The following SLIT3 variants were observed in gnomAD, a reference collection of about 807,000 sequenced individuals.
SLIT3 encodes the protein slit homolog 3 protein.
SLIT3 carries 68 observed loss-of-function variants against 184.0 expected under a neutral mutation model. That is an observed-to-expected ratio of 0.37 (90% CI 0.30 to 0.45). The LOEUF (loss-of-function observed/expected upper bound fraction) is 0.45, where lower values mean the gene tolerates loss of function less well. SLIT3 is among the 20% of genes least tolerant of loss of function. The pLI, the probability that SLIT3 is intolerant of heterozygous loss-of-function variation, is 1.00. For synonymous variants in SLIT3, 831 were observed against 828.6 expected (o/e 1.00, Z -0.05); for missense variants, 1,707 against 2,026.0 (o/e 0.84, Z 3.02).
At chr5:169,103,384 T>C (rs918344968) in intron 4 of SLIT3, among the ~76,000 whole-genome samples, 2 of 152,148 alleles carry the variant, frequency 1.3e-5, no homozygotes, top group East Asian at 3.9e-4. Context: ...TGAGAAAGGG[T>C]TTGAAAAGCC....
rs181040228 is a variant in SLIT3 at position 168,922,376 on chromosome 5, T to G, written c.414-39040A>C. Among the ~76,000 whole-genome samples the G allele has an allele frequency of 5.4e-3, 774 of 143,810 alleles. 6 individuals are homozygous for G. Among genetic ancestry groups the G allele is most frequent in the Non-Finnish European group, 8.5e-3 (572 of 67,060 alleles). 94.3% of individuals were successfully genotyped at this position (143,810 alleles called of 152,430 possible). A position where few individuals can be genotyped will look rare whatever the true frequency, so the allele number is the denominator to read the frequency against. ...GGAGGCTGAGGCAGGAGAATGGCGT[T>G]AACCCAGGAGGCGGAGCTTGCAGTG... On this transcript the variant is annotated intron_variant, in intron 4 of 35. Coordinates refer to ENST00000519560, the MANE Select transcript of SLIT3 (RefSeq NM_003062.4).
chr5:168,719,978 C>A (rs2915814), intron 23 of SLIT3: 124,698 of 152,074 alleles, frequency 0.82, 51,246 homozygotes, highest in East Asian at 0.87. Context: ...CAATGGCGTG[C>A]TCTCAGCTCA....
In SLIT3 at chr5:168,665,001, A is replaced by ATTAT. The variant is rs965026536; in HGVS notation, c.*1449_*1452dup. ...GAACAAGAGCAGGAAAAAACATCAT[A>ATTAT]TTATTTCCTTTTCCGGCAGGGCTGC... On this transcript the variant is annotated 3_prime_UTR_variant, in exon 36 of 36. Transcript: ENST00000519560. 5.9e-5 allele frequency: 9 copies of ATTAT among 152,102 alleles called. No individual in the cohort carries two copies. The highest frequency in any genetic ancestry group is 2.2e-4 in the African/African-American group (9 of 41,354). 9.4% of individuals were successfully genotyped at this position (152,102 alleles called of 1,614,324 possible). A position where few individuals can be genotyped will look rare whatever the true frequency, so the allele number is the denominator to read the frequency against.
At chr5:168,769,283 G>A (rs1755459686) in intron 14 of SLIT3, among the ~76,000 whole-genome samples, 1 of 152,136 alleles carries the variant, frequency 6.6e-6, no homozygotes, top group Admixed American at 6.5e-5. Flanking sequence ...CTGCTGACTT[G>A]GGACTTCCTC....
chr5:168,805,241 C>T (rs2113628956), intron 9 of SLIT3, among the ~76,000 whole-genome samples: 1 of 150,434 alleles, frequency 6.6e-6, no homozygotes, highest in African/African-American at 2.5e-5. Flanking sequence ...TGAATGAATA[C>T]AAGAATGAAT....
intron 20 of SLIT3, among the ~76,000 whole-genome samples, chr5:168,736,891 G>A (rs767750825): frequency 3.3e-5 from 5 of 152,320 alleles, no homozygotes; most frequent in Admixed American, 2.0e-4. Flanking sequence ...CAGTGTGATC[G>A]TCAAAAATTA....
chr5:169,141,127 A>C lies in SLIT3; in HGVS notation c.413+52352T>G, dbSNP rs137993998. Reference sequence around the variant, plus strand: ...GCTCGATGCTACCTGTTCCAAGAAGATTTCACTATTCCCTTTGCTTTGGGG... The same window carrying C: ...GCTCGATGCTACCTGTTCCAAGAAGCTTTCACTATTCCCTTTGCTTTGGGG... On this transcript the variant is annotated intron_variant, in intron 4 of 35. Coordinates refer to ENST00000519560, the MANE Select transcript of SLIT3 (RefSeq NM_003062.4). Among the ~76,000 whole-genome samples the C allele has an allele frequency of 9.4e-4, 143 of 152,270 alleles. 5 individuals are homozygous for C. Among genetic ancestry groups the C allele is most frequent in the African/African-American group, 3.3e-3 (139 of 41,542 alleles).
chr5:168,746,387 GGTGTGTGGTGT>G (rs1423469127), intron 20 of SLIT3, among the ~76,000 whole-genome samples: 33 of 46,600 alleles, frequency 7.1e-4, no homozygotes, highest in Admixed American at 9.5e-4. Context: ...TGGTGGTGTG[GGTGTGTGGTGT>G]CTGGTGGTGT....
chr5:168,842,459 C>G (rs929303124), intron 6 of SLIT3, among the ~76,000 whole-genome samples: 2 of 116,322 alleles, frequency 1.7e-5, no homozygotes, highest in Non-Finnish European at 3.3e-5. Flanking sequence ...CATCTGGATA[C>G]CGTTTTTTCG....
chr5:168,793,827 C>A (rs995669974), intron 10 of SLIT3, among the ~76,000 whole-genome samples: 1 of 151,616 alleles, frequency 6.6e-6, no homozygotes, highest in Non-Finnish European at 1.5e-5. Flanking sequence ...GGAGAGCGGG[C>A]TGGGGAAGCA....
rs78406692 is a variant in SLIT3 at position 169,287,290 on chromosome 5, G to T, written c.197+13223C>A. On this transcript the variant is annotated intron_variant, in intron 1 of 35. Transcript: ENST00000519560. ...TCTCTAGACTCGAAATAAGCTGCAG[G>T]CTTGGTGCTGAGAGCCCTCAGGATA... Among the ~76,000 whole-genome samples, 540 of 152,248 alleles carry T rather than the reference G, an allele frequency of 3.5e-3. 1 individual carries two copies. Among genetic ancestry groups the T allele is most frequent in the African/African-American group, 0.012 (502 of 41,540 alleles).
Position 168,730,112 on chromosome 5 carries a change from T to TA in SLIT3, c.2271-5629dup, listed in dbSNP as rs34425836. ...AAAAAAGACATATCACATAAAACAG[T>TA]AAAAAAAAAAGACAAAAAAGGTCAC... is the stretch of plus-strand genomic sequence containing the variant. On this transcript the variant is annotated intron_variant, in intron 20 of 35. Coordinates refer to ENST00000519560, the MANE Select transcript of SLIT3 (RefSeq NM_003062.4). Among the ~76,000 whole-genome samples, 134 of 148,584 alleles carry TA rather than the reference T, an allele frequency of 9.0e-4. 1 individual carries two copies. In the Middle Eastern group the frequency reaches 0.011, roughly 12 times the overall value.
chr5:168,933,392 A>G (rs755051683), intron 4 of SLIT3, among the ~76,000 whole-genome samples: 1 of 152,074 alleles, frequency 6.6e-6, no homozygotes, highest in East Asian at 1.9e-4. Context: ...AATACAAAAC[A>G]TTAGTGGGGC....
In SLIT3 at chr5:168,663,175, C is replaced by T. The variant is rs1760928293; in HGVS notation, c.*3279G>A. ...GACTCCTCCCAGGAAGCCAGTGACC[C>T]TCGGTGGGGCTCTTGAGATGGCAGG... On this transcript the variant is annotated 3_prime_UTR_variant, in exon 36 of 36. Transcript: ENST00000519560. 6.6e-6 allele frequency: 1 copy of T among 151,932 alleles called. No individual in the cohort carries two copies. Among genetic ancestry groups the T allele is most frequent in the African/African-American group, 2.4e-5 (1 of 41,306 alleles). The allele number at this position is 151,932 out of a possible 1,614,324, so 9.4% of individuals were successfully genotyped here. A position where few individuals can be genotyped will look rare whatever the true frequency, so the allele number is the denominator to read the frequency against.
intron 4 of SLIT3, among the ~76,000 whole-genome samples, chr5:169,098,879 T>C (rs76079115): frequency 0.018 from 2,685 of 152,170 alleles, 44 homozygotes; most frequent in East Asian, 0.048. Flanking sequence ...TGATTACATC[T>C]CCAGCACAGC....
At chr5:169,061,907 G>C (rs1758184328) in intron 4 of SLIT3, among the ~76,000 whole-genome samples, 1 of 152,178 alleles carries the variant, frequency 6.6e-6, no homozygotes, top group Admixed American at 6.5e-5. Flanking sequence ...AAGGGAACCA[G>C]AGAGACTGAG....
chr5:169,033,153 G>A (rs1757101032), intron 4 of SLIT3, among the ~76,000 whole-genome samples: 1 of 147,964 alleles, frequency 6.8e-6, no homozygotes, highest in Non-Finnish European at 1.5e-5. Context: ...TGTACAGTTG[G>A]GTTTTTGTTT....
At chr5:168,865,366 A>C (rs1759261543) in intron 5 of SLIT3, among the ~76,000 whole-genome samples, 2 of 152,202 alleles carry the variant, frequency 1.3e-5, no homozygotes, top group Admixed American at 6.5e-5. Flanking sequence ...ATGGATTGAC[A>C]CACTGAAGTA....
chr5:168,673,735 T>TTA (rs1294990070), intron 32 of SLIT3, among the ~76,000 whole-genome samples: 1 of 152,250 alleles, frequency 6.6e-6, no homozygotes, highest in Admixed American at 6.5e-5. Context: ...TCTAGTCTAT[T>TTA]ATCTGTATTC....
Sources: gnomAD v4.1 joint callset for allele counts (sites outside exome capture counted in the v4.1 genomes callset) on GRCh38, gnomAD v4.1.1 for gene constraint, MANE v1.5 for transcripts, NCBI Gene and HGNC (gene_info 2026-07-23, HGNC 2026-07-21) for gene names.